CLVS1: variants seen among roughly 807,000 people sequenced by gnomAD.
CLVS1 encodes the protein clavesin-1.
CLVS1 carries 10 observed loss-of-function variants against 33.1 expected under a neutral mutation model. That is an observed-to-expected ratio of 0.30 (90% CI 0.19 to 0.51). The LOEUF is 0.51. Ranked by LOEUF, CLVS1 falls within the 20% of genes least tolerant of loss-of-function variation. The pLI is 0.97. For missense variants in CLVS1, 343 were observed against 433.4 expected (o/e 0.79, Z 1.85); for synonymous variants, 163 against 166.1 (o/e 0.98, Z 0.14).
At chr8:61,496,524 G>A (rs918922047) in intron 5 of CLVS1, among the ~76,000 whole-genome samples, 1 of 152,178 alleles carries the variant, frequency 6.6e-6, no homozygotes, top group African/African-American at 2.4e-5. Flanking sequence ...CACTGGAAAT[G>A]TGTTAGGGGG....
At chr8:61,410,066 G>GATTTTT in intron 3 of CLVS1, among the ~76,000 whole-genome samples, 1 of 106,920 alleles carries the variant, frequency 9.4e-6, no homozygotes, top group African/African-American at 3.4e-5. Flanking sequence ...ACTTGCAGAG[G>GATTTTT]TTTTTTTTTT....
At chr8:61,029,949 G>A in the CLVS1 span, among the ~76,000 whole-genome samples, 1 of 152,190 alleles carries the variant, frequency 6.6e-6, no homozygotes, top group Admixed American at 6.5e-5. Context: ...CCGCCCTACA[G>A]CCATCCCTTA....
At chr8:60,988,337 A>C in the CLVS1 span, among the ~76,000 whole-genome samples, 1 of 152,132 alleles carries the variant, frequency 6.6e-6, no homozygotes, top group African/African-American at 2.4e-5. Context: ...TAGTCTTCCC[A>C]GTCTTCCCAC....
intron 2 of CLVS1, among the ~76,000 whole-genome samples, chr8:61,321,272 G>A (rs1811185915): frequency 6.6e-6 from 1 of 152,104 alleles, no homozygotes; most frequent in African/African-American, 2.4e-5. Context: ...ATGGGGCACA[G>A]GCTCTCAGGC....
intron 1 of CLVS1, among the ~76,000 whole-genome samples, chr8:61,067,639 G>C (rs149815987): frequency 0.018 from 2,692 of 152,226 alleles, 42 homozygotes; most frequent in Non-Finnish European, 0.028. Flanking sequence ...GGAGGCCAAG[G>C]TGGGAGGATT....
chr8:61,113,710 C>G (rs1009890979), intron 1 of CLVS1, among the ~76,000 whole-genome samples: 4 of 152,256 alleles, frequency 2.6e-5, no homozygotes, highest in African/African-American at 9.6e-5. Context: ...GGCACCTGCA[C>G]TGACACCCGC....
intron 1 of CLVS1, among the ~76,000 whole-genome samples, chr8:61,091,760 C>CT (rs1805254180): frequency 1.3e-5 from 2 of 152,122 alleles, no homozygotes; most frequent in African/African-American, 4.8e-5. Flanking sequence ...GACTTAAGGC[C>CT]TTTTTAGGAA....
At chr8:61,423,807 A>G (rs891289958) in intron 3 of CLVS1, among the ~76,000 whole-genome samples, 4 of 152,220 alleles carry the variant, frequency 2.6e-5, no homozygotes, top group Non-Finnish European at 5.9e-5. Context: ...AGTGTCTCTC[A>G]GGTATGAATG....
upstream of CLVS1, chr8:61,287,866 A>G (rs1201200137): frequency 2.7e-5 from 9 of 338,204 alleles, no homozygotes; most frequent in Non-Finnish European, 5.2e-5. Context: ...ACAAATAATT[A>G]TTGGTACGTC....
intron 3 of CLVS1, among the ~76,000 whole-genome samples, chr8:61,415,037 A>C (rs1203876203): frequency 1.3e-5 from 2 of 152,274 alleles, no homozygotes; most frequent in African/African-American, 4.8e-5. Context: ...GAGGTTTCCC[A>C]GTCCAAAAAA....
intron 1 of CLVS1, among the ~76,000 whole-genome samples, chr8:61,087,522 T>C (rs1310201893): frequency 1.3e-5 from 2 of 152,146 alleles, no homozygotes; most frequent in Admixed American, 1.3e-4. Flanking sequence ...AGGGGTTGGC[T>C]GTGGAGGGAA....
At chr8:61,087,198 T>C (rs1805142335) in intron 1 of CLVS1, among the ~76,000 whole-genome samples, 1 of 152,206 alleles carries the variant, frequency 6.6e-6, no homozygotes, top group South Asian at 2.1e-4. Context: ...GTGGAGCAGA[T>C]GTGGATTGCA....
chr8:61,100,033 C>T (rs1805421243), intron 1 of CLVS1, among the ~76,000 whole-genome samples: 1 of 152,188 alleles, frequency 6.6e-6, no homozygotes, highest in African/African-American at 2.4e-5. Flanking sequence ...CCATCTTCCA[C>T]CTCCCTTTTC....
chr8:61,407,981 A>C (rs1252898232), intron 3 of CLVS1, among the ~76,000 whole-genome samples: 1 of 152,190 alleles, frequency 6.6e-6, no homozygotes, highest in Non-Finnish European at 1.5e-5. Flanking sequence ...AAAACTCATC[A>C]GATCTGAGCC....
At chr8:61,129,408 C>T (rs1441195261) in intron 1 of CLVS1, among the ~76,000 whole-genome samples, 1 of 152,200 alleles carries the variant, frequency 6.6e-6, no homozygotes, top group Admixed American at 6.5e-5. Context: ...CAGGCTTCCC[C>T]ATGGGCTAAA....
chr8:61,333,047 G>A (rs1316901919), intron 2 of CLVS1, among the ~76,000 whole-genome samples: 1 of 152,134 alleles, frequency 6.6e-6, no homozygotes, highest in African/African-American at 2.4e-5. Context: ...TGTTCTTGAC[G>A]ATGTGAGTTA....
intron 1 of CLVS1, among the ~76,000 whole-genome samples, chr8:61,085,674 T>C (rs1309175759): frequency 6.7e-6 from 1 of 148,416 alleles, no homozygotes; most frequent in Non-Finnish European, 1.5e-5. Flanking sequence ...GTGGGTCACT[T>C]GAGGTCAGGA....
intron 1 of CLVS1, among the ~76,000 whole-genome samples, chr8:61,298,792 T>C (rs1810316063): frequency 6.6e-6 from 1 of 152,208 alleles, no homozygotes; most frequent in African/African-American, 2.4e-5. Context: ...TTCCTCTGTA[T>C]ACCATTTTGG....
At chr8:61,480,847 G>A (rs989635666) in intron 5 of CLVS1, among the ~76,000 whole-genome samples, 1 of 152,132 alleles carries the variant, frequency 6.6e-6, no homozygotes, top group African/African-American at 2.4e-5. Flanking sequence ...GTGGAATGCT[G>A]TTTTAAGTGT....
Sources: allele counts gnomAD v4.1 joint callset (sites outside exome capture counted in the v4.1 genomes callset), GRCh38; gene constraint gnomAD v4.1.1; transcripts MANE v1.5; gene names NCBI Gene and HGNC (gene_info 2026-07-23, HGNC 2026-07-21).